The following GRIA1 variants were observed in gnomAD, a reference collection of about 807,000 sequenced individuals.
The protein encoded by GRIA1 is glutamate receptor 1.
GRIA1 carries 31 observed loss-of-function variants against 99.2 expected under a neutral mutation model. The ratio of observed to expected loss-of-function variants is 0.31; its 90% CI spans 0.23 to 0.42. The LOEUF (loss-of-function observed/expected upper bound fraction) is 0.42, where lower values mean the gene tolerates loss of function less well. GRIA1 is among the 10% of genes least tolerant of loss of function. GRIA1 has a pLI of 1.00. For missense variants in GRIA1, 782 were observed against 1,157.5 expected (o/e 0.68, Z 4.71); for synonymous variants, 438 against 432.4 (o/e 1.01, Z -0.16).
intron 5 of GRIA1, among the ~76,000 whole-genome samples, chr5:153,665,231 A>G (rs13174041): frequency 0.063 from 9,522 of 152,310 alleles, 312 homozygotes; most frequent in Middle Eastern, 0.13. Flanking sequence ...TCCCAGGGCT[A>G]AGAGAAATTA....
intron 15 of GRIA1, among the ~76,000 whole-genome samples, chr5:153,804,725 ATTAATTAATTTATTTATTTAT>A (rs1484641639): frequency 3.5e-5 from 2 of 57,658 alleles, no homozygotes; most frequent in Non-Finnish European, 6.3e-5. Context: ...TAATTAATTA[ATTAATTAATTTATTTATTTAT>A]TTATTTATTT....
chr5:153,713,002 G>C (rs2149529904), intron 11 of GRIA1, among the ~76,000 whole-genome samples: 1 of 152,282 alleles, frequency 6.6e-6, no homozygotes, highest in Non-Finnish European at 1.5e-5. Context: ...ATTGAACTAG[G>C]GTGCTGCCCA....
chr5:153,562,318 G>A (rs145904966), intron 2 of GRIA1, among the ~76,000 whole-genome samples: 21 of 152,226 alleles, frequency 1.4e-4, no homozygotes, highest in Non-Finnish European at 2.9e-4. Context: ...TGTGAGACTT[G>A]GAGTGGGGGT....
intron 11 of GRIA1, among the ~76,000 whole-genome samples, chr5:153,736,969 A>G (rs535978346): frequency 6.6e-6 from 1 of 152,288 alleles, no homozygotes; most frequent in South Asian, 2.1e-4. Context: ...ACTTGAACAA[A>G]TATTGGGATC....
chr5:153,657,232 T>A (rs1326047574), intron 5 of GRIA1, among the ~76,000 whole-genome samples: 1 of 152,234 alleles, frequency 6.6e-6, no homozygotes, highest in Admixed American at 6.5e-5. Context: ...ATATGATAAC[T>A]CTATGTTTAA....
intron 13 of GRIA1, among the ~76,000 whole-genome samples, chr5:153,789,554 T>G (rs2149652016): frequency 6.6e-6 from 1 of 152,306 alleles, no homozygotes; most frequent in Non-Finnish European, 1.5e-5. Flanking sequence ...CTTCCACTTT[T>G]AGGAGAAAGA....
chr5:153,572,532 C>T (rs545381901), intron 2 of GRIA1, among the ~76,000 whole-genome samples: 1 of 152,116 alleles, frequency 6.6e-6, no homozygotes, highest in East Asian at 1.9e-4. Flanking sequence ...GGGAAGAATG[C>T]CACAATTGAT....
rs139645863 is a variant in GRIA1, at chr5:153,572,422, C to T, written c.221-74506C>T. Among the ~76,000 whole-genome samples the T allele has an allele frequency of 2.6e-5, 4 of 152,296 alleles. No individual in the cohort carries two copies. In the East Asian group the frequency reaches 7.7e-4, roughly 29 times the overall value. ...CATTTTCTAGCACCTCCTGTGCATT[C>T]ATCCTGAAGGAGAGAGTTACTTTAC... On this transcript the variant is annotated intron_variant, in intron 2 of 15. Coordinates refer to ENST00000285900, the MANE Select transcript of GRIA1 (RefSeq NM_000827.4).
intron 15 of GRIA1, among the ~76,000 whole-genome samples, chr5:153,808,636 G>C (rs2149680855): frequency 6.6e-6 from 1 of 152,224 alleles, no homozygotes. Flanking sequence ...CAGGCATCAG[G>C]GTTTTTTCCC....
At chr5:153,727,047 TG>T (rs1760598121) in intron 11 of GRIA1, among the ~76,000 whole-genome samples, 1 of 152,128 alleles carries the variant, frequency 6.6e-6, no homozygotes, top group Admixed American at 6.5e-5. Context: ...CATGATCAAG[TG>T]GGCTTCATCC....
chr5:153,707,815 C>G (rs1430161700), intron 11 of GRIA1, among the ~76,000 whole-genome samples: 1 of 147,760 alleles, frequency 6.8e-6, no homozygotes, highest in South Asian at 2.1e-4. Context: ...AATAAGAAGA[C>G]AGTGGGGGGT....
intron 2 of GRIA1, among the ~76,000 whole-genome samples, chr5:153,625,597 G>C (rs938652225): frequency 1.3e-5 from 2 of 152,350 alleles, no homozygotes; most frequent in African/African-American, 4.8e-5. Flanking sequence ...GTGCAGAGCA[G>C]ACTATGTTGT....
intron 2 of GRIA1, among the ~76,000 whole-genome samples, chr5:153,582,894 G>T (rs181104295): frequency 1.5e-4 from 23 of 152,046 alleles, no homozygotes; most frequent in Non-Finnish European, 2.5e-4. Context: ...GAACTCCTGG[G>T]CACAGCAATC....
At chr5:153,775,663 C>T (rs1265199750) in intron 13 of GRIA1, among the ~76,000 whole-genome samples, 1 of 151,036 alleles carries the variant, frequency 6.6e-6, no homozygotes, top group Non-Finnish European at 1.5e-5. Context: ...AATCCCAGTG[C>T]TTAAATAATG....
intron 11 of GRIA1, among the ~76,000 whole-genome samples, chr5:153,745,135 G>A (rs184406569): frequency 7.7e-4 from 117 of 152,298 alleles, no homozygotes; most frequent in African/African-American, 2.6e-3. Flanking sequence ...TCTAGAGTGT[G>A]TTCCTCTAGA....
intron 2 of GRIA1, among the ~76,000 whole-genome samples, chr5:153,512,995 A>C (rs1387698815): frequency 6.6e-6 from 1 of 152,222 alleles, no homozygotes; most frequent in East Asian, 1.9e-4. Flanking sequence ...ACACACAGCA[A>C]GATGGCGGCC....
intron 13 of GRIA1, among the ~76,000 whole-genome samples, chr5:153,774,076 C>CA (rs1554126523): frequency 1.2e-5 from 1 of 86,906 alleles, no homozygotes; most frequent in Non-Finnish European, 2.3e-5. Flanking sequence ...CCCCCCCTCC[C>CA]CCCACACACA....
chr5:153,756,078 T>C (rs994446340), intron 11 of GRIA1, among the ~76,000 whole-genome samples: 13 of 152,214 alleles, frequency 8.5e-5, no homozygotes, highest in African/African-American at 3.1e-4. Flanking sequence ...GATCTGAAAG[T>C]TATCTGGCAG....
chr5:153,775,615 C>T (rs1392721177), intron 13 of GRIA1, among the ~76,000 whole-genome samples: 4 of 152,180 alleles, frequency 2.6e-5, no homozygotes, highest in Non-Finnish European at 5.9e-5. Context: ...ACACAAAGCA[C>T]TGTGCATAAT....
Sources: gnomAD v4.1 joint callset for allele counts (sites outside exome capture counted in the v4.1 genomes callset) on GRCh38, gnomAD v4.1.1 for gene constraint, MANE v1.5 for transcripts, NCBI Gene and HGNC (gene_info 2026-07-23, HGNC 2026-07-21) for gene names.